PTPRD: variants seen among roughly 807,000 people sequenced by gnomAD.
PTPRD encodes receptor-type tyrosine-protein phosphatase delta.
Under a neutral mutation model 214.5 loss-of-function variants are expected in PTPRD, and 34 were observed. That is an observed-to-expected ratio of 0.16 (90% CI 0.12 to 0.21). The LOEUF (loss-of-function observed/expected upper bound fraction) is 0.21, where lower values mean the gene tolerates loss of function less well. Among genes scored for constraint, PTPRD ranks in the 10% least tolerant of loss-of-function variants. The pLI is 1.00. For synonymous variants in PTPRD, 1,128 were observed against 845.7 expected, an observed-to-expected ratio of 1.33 and a Z score of -5.79; for missense variants, 2,545 against 2,398.7, an observed-to-expected ratio of 1.06 and a Z score of -1.27.
chr9:8,775,429 T>C (rs2095431518), intron 11 of PTPRD, among the ~76,000 whole-genome samples: 1 of 152,162 alleles, frequency 6.6e-6, no homozygotes, highest in South Asian at 2.1e-4. Context: ...CTCTGCATAA[T>C]ATGTAGAGCA....
At chr9:9,732,278 T>A (rs1028034280) in intron 7 of PTPRD, among the ~76,000 whole-genome samples, 5 of 152,082 alleles carry the variant, frequency 3.3e-5, no homozygotes, top group Non-Finnish European at 7.4e-5. Flanking sequence ...AATACTTAAT[T>A]GTATAACTTG....
At chr9:9,942,544 T>C (rs915800580) in intron 4 of PTPRD, among the ~76,000 whole-genome samples, 1 of 152,164 alleles carries the variant, frequency 6.6e-6, no homozygotes, top group African/African-American at 2.4e-5. Context: ...CAAATGAATC[T>C]GTAACTATCA....
chr9:8,523,663 C>T, intron 18 of PTPRD, 139 bp from the exon 19 acceptor site: 4 of 855,646 alleles, frequency 4.7e-6, no homozygotes, highest in Non-Finnish European at 5.5e-6. Context: ...CTAGTTCATC[C>T]TTCCTATCTC....
chr9:9,113,131 A>T (rs2154453217), intron 10 of PTPRD, among the ~76,000 whole-genome samples: 1 of 150,910 alleles, frequency 6.6e-6, no homozygotes, highest in African/African-American at 2.4e-5. Flanking sequence ...TGCCCGGCTA[A>T]TTAAAAAATA....
At chr9:10,370,408 G>A (rs2097586843) in intron 2 of PTPRD, among the ~76,000 whole-genome samples, 1 of 151,800 alleles carries the variant, frequency 6.6e-6, no homozygotes, top group Non-Finnish European at 1.5e-5. Flanking sequence ...CCTTTCTTGG[G>A]GCTATTCTAT....
intron 5 of PTPRD, among the ~76,000 whole-genome samples, chr9:9,937,014 G>C (rs1023547316): frequency 1.5e-4 from 23 of 151,766 alleles, no homozygotes; most frequent in African/African-American, 5.6e-4. Flanking sequence ...TCATAGGTGG[G>C]AATTGAACAA....
intron 3 of PTPRD, among the ~76,000 whole-genome samples, chr9:10,296,329 G>A (rs150126399): frequency 1.4e-3 from 209 of 151,906 alleles, no homozygotes; most frequent in East Asian, 6.4e-3. Context: ...ACTTATATTC[G>A]TTTTATCTGA....
In PTPRD at chr9:9,835,771, T is replaced by G. The variant is rs1050215648; in HGVS notation, c.-367-68920A>C. ...ACTCCATCATAACACAGGAGTGGAA[T>G]CAACTGAAGGAATGAGATAAGCAGA... On this transcript the variant is annotated intron_variant, in intron 5 of 45. Coordinates refer to ENST00000381196, the MANE Select transcript of PTPRD (RefSeq NM_002839.4). 2.5e-4 allele frequency among the ~76,000 whole-genome samples: 38 copies of G among 152,050 alleles called. 1 individual carries two copies. The highest frequency in any genetic ancestry group is 2.5e-3 in the Admixed American group (38 of 15,228).
chr9:9,873,177 T>G (rs1009200438), intron 5 of PTPRD, among the ~76,000 whole-genome samples: 1 of 152,132 alleles, frequency 6.6e-6, no homozygotes, highest in Non-Finnish European at 1.5e-5. Context: ...GAAAGACTCA[T>G]CACCAATGTA....
intron 9 of PTPRD, among the ~76,000 whole-genome samples, chr9:9,227,906 C>G (rs1052783733): frequency 1.3e-5 from 2 of 152,132 alleles, no homozygotes; most frequent in African/African-American, 4.8e-5. Context: ...CTAAGCTGTT[C>G]TTAAATTCCT....
intron 14 of PTPRD, among the ~76,000 whole-genome samples, chr9:8,560,195 T>C (rs573658052): frequency 6.6e-6 from 1 of 152,264 alleles, no homozygotes; most frequent in African/African-American, 2.4e-5. Flanking sequence ...TGAACAATGT[T>C]TATAATCTCT....
chr9:10,386,354 C>T (rs1013556367), intron 2 of PTPRD, among the ~76,000 whole-genome samples: 6 of 151,800 alleles, frequency 4.0e-5, no homozygotes, highest in Non-Finnish European at 7.4e-5. Context: ...ATATTTTAGC[C>T]TAACTAGTAT....
intron 8 of PTPRD, among the ~76,000 whole-genome samples, chr9:9,512,517 T>G (rs2096734029): frequency 6.6e-6 from 1 of 151,906 alleles, no homozygotes; most frequent in Non-Finnish European, 1.5e-5. Context: ...ATGTAAGGCA[T>G]TTCAGTGATA....
intron 2 of PTPRD, among the ~76,000 whole-genome samples, chr9:10,484,939 C>T (rs1367970165): frequency 2.0e-5 from 3 of 151,994 alleles, no homozygotes; most frequent in East Asian, 1.9e-4. Flanking sequence ...CTACCCAGAT[C>T]AATGTCCCAG....
chr9:10,361,730 T>C (rs1208687303), intron 2 of PTPRD, among the ~76,000 whole-genome samples: 2 of 152,298 alleles, frequency 1.3e-5, no homozygotes, highest in African/African-American at 4.8e-5. Flanking sequence ...AGGTATTGAA[T>C]AGTATTATAC....
At chr9:9,136,961 C>A (rs958291565) in intron 10 of PTPRD, among the ~76,000 whole-genome samples, 2 of 152,162 alleles carry the variant, frequency 1.3e-5, no homozygotes, top group African/African-American at 4.8e-5. Flanking sequence ...TAGATCTCCA[C>A]TGGCAGTGCA....
Position 9,961,334 on chromosome 9 carries a change from AG to A in PTPRD, c.-471-22725del, listed in dbSNP as rs535660705. The stretch of plus-strand genomic sequence containing the variant: ...GCCTTTGTCATCTGTTCCTTGTTTG[AG>A]AAACAATAGGCAATGTATTTGCTGA... On this transcript the variant is annotated intron_variant, in intron 4 of 45. Coordinates refer to ENST00000381196, the MANE Select transcript of PTPRD (RefSeq NM_002839.4). 9.2e-5 allele frequency among the ~76,000 whole-genome samples: 14 copies of A among 152,284 alleles called. No homozygotes were observed. In the South Asian group the frequency reaches 2.7e-3, roughly 29 times the overall value.
At chr9:10,116,637 A>G (rs2098733135) in intron 3 of PTPRD, among the ~76,000 whole-genome samples, 1 of 152,134 alleles carries the variant, frequency 6.6e-6, no homozygotes, top group African/African-American at 2.4e-5. Flanking sequence ...TATTTCGAAC[A>G]GTCCAGACTG....
intron 6 of PTPRD, among the ~76,000 whole-genome samples, chr9:9,765,242 G>A (rs1018381393): frequency 6.6e-6 from 1 of 152,096 alleles, no homozygotes; most frequent in African/African-American, 2.4e-5. Context: ...TTTATAGGAG[G>A]CTTTCTTCTT....
Sources: allele counts gnomAD v4.1 joint callset (sites outside exome capture counted in the v4.1 genomes callset), GRCh38; gene constraint gnomAD v4.1.1; transcripts MANE v1.5; gene names NCBI Gene and HGNC (gene_info 2026-07-23, HGNC 2026-07-21).